The following SND1 variants were observed in gnomAD, a reference collection of about 807,000 sequenced individuals.
The protein encoded by SND1 is staphylococcal nuclease and tudor domain containing 1.
SND1 carries 38 observed loss-of-function variants against 121.7 expected under a neutral mutation model. The observed-to-expected ratio is 0.31, with a 90% CI of 0.24 to 0.41. The LOEUF (loss-of-function observed/expected upper bound fraction) is 0.41, where lower values mean the gene tolerates loss of function less well. Among genes scored for constraint, SND1 ranks in the 10% least tolerant of loss-of-function variants. The pLI, the probability that SND1 is intolerant of heterozygous loss-of-function variation, is 1.00. For missense variants in SND1, 868 were observed against 1,184.6 expected (o/e 0.73, Z 3.92); for synonymous variants, 401 against 447.4 (o/e 0.90, Z 1.31).
intron 11 of SND1, among the ~76,000 whole-genome samples, chr7:127,840,167 G>A (rs1798937723): frequency 6.6e-6 from 1 of 152,202 alleles, no homozygotes; most frequent in African/African-American, 2.4e-5. Flanking sequence ...CCAATACCAT[G>A]TAGTAAATGT....
chr7:128,032,842 G>T (rs2116994160), intron 16 of SND1, among the ~76,000 whole-genome samples: 1 of 152,286 alleles, frequency 6.6e-6, no homozygotes, highest in South Asian at 2.1e-4. Flanking sequence ...GGCTTTAAAT[G>T]AGGGTTTCCT....
chr7:127,879,276 C>T (rs1799747695), intron 12 of SND1, among the ~76,000 whole-genome samples: 1 of 152,096 alleles, frequency 6.6e-6, no homozygotes, highest in Admixed American at 6.6e-5. Context: ...CAGGTTCCTG[C>T]TTGAAAGAAC....
chr7:127,974,405 A>G (rs1802067316), intron 15 of SND1, among the ~76,000 whole-genome samples: 1 of 152,184 alleles, frequency 6.6e-6, no homozygotes, highest in Non-Finnish European at 1.5e-5. Context: ...TGCCCTGGAA[A>G]TACCAAATAG....
chr7:127,802,070 C>G (rs538395229), intron 10 of SND1, among the ~76,000 whole-genome samples: 2 of 152,244 alleles, frequency 1.3e-5, no homozygotes, highest in Admixed American at 1.3e-4. Flanking sequence ...TGGTCTTGAT[C>G]TCCTGACCTC....
chr7:127,792,894 A>G (rs552257809), intron 10 of SND1, among the ~76,000 whole-genome samples: 25 of 152,230 alleles, frequency 1.6e-4, no homozygotes, highest in Non-Finnish European at 3.1e-4. Flanking sequence ...AATAGGAAAG[A>G]TCTGCCCCTT....
At chr7:127,872,561 AT>A (rs1014349919) in intron 12 of SND1, among the ~76,000 whole-genome samples, 23 of 147,548 alleles carry the variant, frequency 1.6e-4, no homozygotes, top group African/African-American at 4.2e-4. Context: ...TTAGATGAGG[AT>A]TTTTTTTTCC....
At chr7:128,014,249 G>A (rs1803176090) in intron 16 of SND1, among the ~76,000 whole-genome samples, 1 of 152,190 alleles carries the variant, frequency 6.6e-6, no homozygotes, top group Admixed American at 6.5e-5. Context: ...TGTCTGATCA[G>A]TAAGTCTTCT....
At chr7:128,064,442 CA>C (rs1352336254) in intron 16 of SND1, among the ~76,000 whole-genome samples, 2 of 152,200 alleles carry the variant, frequency 1.3e-5, no homozygotes, top group East Asian at 3.9e-4. Context: ...GGGAAGAATC[CA>C]AGAGCCATTT....
chr7:128,017,039 T>C (rs752936292), intron 16 of SND1, among the ~76,000 whole-genome samples: 6 of 152,222 alleles, frequency 3.9e-5, no homozygotes, highest in Non-Finnish European at 7.4e-5. Context: ...CCAGAAACTT[T>C]AGCCAGCAAC....
At chr7:127,684,789 A>G (rs1167568291) in intron 1 of SND1, among the ~76,000 whole-genome samples, 1 of 152,182 alleles carries the variant, frequency 6.6e-6, no homozygotes, top group Non-Finnish European at 1.5e-5. Context: ...TGTGTGTGCC[A>G]TGGTATATAA....
intron 10 of SND1, among the ~76,000 whole-genome samples, chr7:127,729,952 T>A (rs1412681931): frequency 1.3e-5 from 2 of 152,212 alleles, no homozygotes; most frequent in Admixed American, 1.3e-4. Flanking sequence ...CTGTTCACAT[T>A]GGACAGCTCT....
At chr7:127,901,724 T>A (rs749701622) in intron 13 of SND1, among the ~76,000 whole-genome samples, 9 of 152,244 alleles carry the variant, frequency 5.9e-5, no homozygotes, top group Non-Finnish European at 1.3e-4. Flanking sequence ...CTTCTCAGTT[T>A]ACATATGCTG....
intron 16 of SND1, chr7:128,028,716 G>C: frequency 6.2e-7 from 1 of 1,613,978 alleles, no homozygotes; most frequent in South Asian, 1.1e-5. Flanking sequence ...CTTGGTATGG[G>C]TCTGAATTAT....
chr7:127,684,568 A>G (rs1233357134), intron 1 of SND1, among the ~76,000 whole-genome samples: 1 of 151,994 alleles, frequency 6.6e-6, no homozygotes, highest in Non-Finnish European at 1.5e-5. Flanking sequence ...AGCAGCCTCT[A>G]CTCTAGTATA....
At chr7:127,681,878 C>A (rs1364050143) in intron 1 of SND1, among the ~76,000 whole-genome samples, 1 of 152,184 alleles carries the variant, frequency 6.6e-6, no homozygotes, top group Non-Finnish European at 1.5e-5. Flanking sequence ...GTTCTTCACA[C>A]AGGTAGATAT....
At chr7:127,926,720 TTTGTTGTTG>T (rs57562959) in intron 14 of SND1, among the ~76,000 whole-genome samples, 116 of 142,838 alleles carry the variant, frequency 8.1e-4, no homozygotes, top group African/African-American at 1.4e-3. Context: ...ACCCGGCTAT[TTTGTTGTTG>T]TTGTTGTTGT....
At chr7:127,881,173 C>T (rs182565832) in intron 12 of SND1, among the ~76,000 whole-genome samples, 6 of 152,190 alleles carry the variant, frequency 3.9e-5, no homozygotes, top group Non-Finnish European at 7.4e-5. Flanking sequence ...CTCTCTGGGT[C>T]CATTTATTCT....
At chr7:127,973,190 G>A (rs1005464854) in intron 15 of SND1, among the ~76,000 whole-genome samples, 1 of 152,176 alleles carries the variant, frequency 6.6e-6, no homozygotes, top group Non-Finnish European at 1.5e-5. Flanking sequence ...CAGTTTTCTG[G>A]CTTGTTAATA....
In SND1 at chr7:128,085,522, C is replaced by T. The variant is rs1793674157; in HGVS notation, c.2235-189C>T. On this transcript the variant is annotated intron_variant, in intron 19 of 23. Coordinates refer to ENST00000354725, the MANE Select transcript of SND1 (RefSeq NM_014390.4). This position sits in a 1 kb window ranked among gnomAD's most constrained non-coding sequence, Gnocchi z 4.4. ...TCTCCCTCTTCTGCTCCCAGCTATGCTCTGATTCCATTAGGTGGTGACCAC... is the reference window on the plus strand; with the variant it reads ...TCTCCCTCTTCTGCTCCCAGCTATGTTCTGATTCCATTAGGTGGTGACCAC... Among the ~76,000 whole-genome samples the T allele has an allele frequency of 1.3e-5, 2 of 152,212 alleles. No individual in the cohort carries two copies. Among genetic ancestry groups the T allele is most frequent in the Non-Finnish European group, 2.9e-5 (2 of 68,050 alleles).
Sources: gnomAD v4.1 joint callset for allele counts (sites outside exome capture counted in the v4.1 genomes callset) on GRCh38, gnomAD v4.1.1 for gene constraint, Gnocchi (gnomAD v3.1) non-coding constraint, MANE v1.5 for transcripts, NCBI Gene and HGNC (gene_info 2026-07-23, HGNC 2026-07-21) for gene names.